DNAH14: variants seen among roughly 807,000 people sequenced by gnomAD.
DNAH14 encodes dynein axonemal heavy chain 14, also known as axonemal beta dynein heavy chain 14.
A neutral mutation model predicts 520.9 loss-of-function variants in DNAH14; 478 were observed. The ratio of observed to expected loss-of-function variants is 0.92; its 90% CI spans 0.85 to 0.99. DNAH14 has a LOEUF of 0.99. Ranked by LOEUF, DNAH14 falls within the 50% of genes least tolerant of loss-of-function variation. The pLI is 0.00. For missense variants in DNAH14, 4,831 were observed against 5,234.5 expected (o/e 0.92, Z 2.38); for synonymous variants, 1,581 against 1,757.2 (o/e 0.90, Z 2.51).
At chr1:225,021,031 G>C (rs1362219819) in intron 10 of DNAH14, among the ~76,000 whole-genome samples, 1 of 152,162 alleles carries the variant, frequency 6.6e-6, no homozygotes, top group Non-Finnish European at 1.5e-5. Context: ...TATGTAATCA[G>C]AATTAAAAAC....
intron 40 of DNAH14, 61 bp downstream of exon 40, chr1:225,206,240 T>A: frequency 7.3e-7 from 1 of 1,367,976 alleles, no homozygotes. Context: ...TAGTAACTAT[T>A]TATTATTTAC....
Position 224,967,595 on chromosome 1 carries a change from T to C in DNAH14, c.651+12T>C. ...CATTTATCTCAAAGGTAATGTTTAA[T>C]GGATGTTTTAAGCTTTCAGAATTAT... On this transcript the variant is annotated intron_variant, in intron 6 of 85. Coordinates refer to ENST00000682510, the MANE Select transcript of DNAH14 (RefSeq NM_001367479.1). 5 of 1,599,430 alleles carry C rather than the reference T, an allele frequency of 3.1e-6. No individual in the cohort carries two copies. The highest frequency in any genetic ancestry group is 4.3e-6 in the Non-Finnish European group (5 of 1,175,656).
intron 75 of DNAH14, among the ~76,000 whole-genome samples, chr1:225,364,204 C>A (rs561254773): frequency 6.6e-6 from 1 of 152,262 alleles, no homozygotes; most frequent in Non-Finnish European, 1.5e-5. Context: ...GTGGTTTCTG[C>A]CACTTGTGGG....
chr1:224,940,359 C>A (rs2059329951), intron 1 of DNAH14, among the ~76,000 whole-genome samples: 1 of 152,104 alleles, frequency 6.6e-6, no homozygotes. Context: ...GAGAAATAGA[C>A]CCCACTTTTT....
intron 75 of DNAH14, among the ~76,000 whole-genome samples, chr1:225,364,210 G>T (rs1190801518): frequency 6.6e-6 from 1 of 152,160 alleles, no homozygotes; most frequent in Non-Finnish European, 1.5e-5. Flanking sequence ...TCTGCCACTT[G>T]TGGGAACTTT....
intron 54 of DNAH14, among the ~76,000 whole-genome samples, chr1:225,286,927 A>G (rs566592907): frequency 1.9e-4 from 29 of 152,332 alleles, no homozygotes; most frequent in Middle Eastern, 3.4e-3. Flanking sequence ...CAAGCCACAA[A>G]AAGACATGGG....
chr1:225,257,887 C>CAAAA (rs35313445), intron 44 of DNAH14, 73 bp from the exon 45 acceptor site: 29 of 957,866 alleles, frequency 3.0e-5, no homozygotes, highest in East Asian at 1.9e-4. Flanking sequence ...ATCCTAATGA[C>CAAAA]AAAAAAAAAA....
intron 8 of DNAH14, among the ~76,000 whole-genome samples, chr1:224,984,255 T>C (rs79441256): frequency 0.043 from 6,549 of 152,246 alleles, 413 homozygotes; most frequent in African/African-American, 0.14. Flanking sequence ...TACAGTCAAC[T>C]GATCTTTGAC....
At chr1:224,947,498 T>C (rs2059922241) in intron 1 of DNAH14, among the ~76,000 whole-genome samples, 1 of 152,190 alleles carries the variant, frequency 6.6e-6, no homozygotes, top group African/African-American at 2.4e-5. Flanking sequence ...GTCTTTGTTT[T>C]TTCTACTCAG....
At chr1:224,986,636 A>G (rs1572260505) in intron 8 of DNAH14, among the ~76,000 whole-genome samples, 1 of 152,198 alleles carries the variant, frequency 6.6e-6, no homozygotes, top group Admixed American at 6.5e-5. Context: ...TCCTTTCATG[A>G]CAAAAATTCC....
chr1:225,257,780 C>T (rs2092791898), intron 44 of DNAH14, among the ~76,000 whole-genome samples, 180 bp from the exon 45 acceptor site: 1 of 151,908 alleles, frequency 6.6e-6, no homozygotes, highest in African/African-American at 2.4e-5. Context: ...CCTGATCTGC[C>T]AGCCTTGGCC....
chr1:225,102,118 C>T (rs1271116566), intron 23 of DNAH14, among the ~76,000 whole-genome samples: 1 of 148,484 alleles, frequency 6.7e-6, no homozygotes, highest in Non-Finnish European at 1.5e-5. Flanking sequence ...TCAATTCCCA[C>T]CTATGAGTGA....
rs2064277172 is a variant in DNAH14 at position 225,007,559 on chromosome 1, A to G, written c.1107+15A>G. On this transcript the variant is annotated intron_variant, in intron 10 of 85. Coordinates refer to ENST00000682510, the MANE Select transcript of DNAH14 (RefSeq NM_001367479.1). ...CTTTTCTAAAGGTAATTCTTTAATT[A>G]TATCATATTTATCAAAGTTGCAATT... The G allele has an allele frequency of 6.7e-7, 1 of 1,494,690 alleles. No homozygotes were observed. The highest frequency in any genetic ancestry group is 9.0e-7 in the Non-Finnish European group (1 of 1,117,282). 92.6% of individuals were successfully genotyped at this position (1,494,690 alleles called of 1,614,324 possible).
chr1:224,970,644 C>G (rs55668169), intron 7 of DNAH14, among the ~76,000 whole-genome samples: 8,367 of 152,114 alleles, frequency 0.055, 472 homozygotes, highest in East Asian at 0.24. Flanking sequence ...CTGGCCGACA[C>G]TTAGGGAATA....
intron 55 of DNAH14, among the ~76,000 whole-genome samples, chr1:225,292,496 C>A (rs1055085907): frequency 1.3e-5 from 2 of 152,090 alleles, no homozygotes; most frequent in Non-Finnish European, 2.9e-5. Flanking sequence ...GTTTTGGTTA[C>A]TATAGCTTTG....
chr1:225,146,978 G>C, intron 30 of DNAH14, 126 bp from the exon 31 acceptor site: 1 of 671,676 alleles, frequency 1.5e-6, no homozygotes, highest in Non-Finnish European at 2.4e-6. Context: ...TGCCTAGGAG[G>C]GGGAAATGCA....
intron 8 of DNAH14, among the ~76,000 whole-genome samples, chr1:224,992,711 A>G (rs2063140569): frequency 6.6e-6 from 1 of 152,008 alleles, no homozygotes; most frequent in Non-Finnish European, 1.5e-5. Context: ...CTTTTCCTTA[A>G]CTGCTCAGAC....
chr1:225,282,577 A>G (rs1047269520), intron 54 of DNAH14, among the ~76,000 whole-genome samples: 4 of 152,232 alleles, frequency 2.6e-5, no homozygotes, highest in Non-Finnish European at 5.9e-5. Flanking sequence ...ATGGTAATCA[A>G]TACAGGGTGC....
At chr1:225,266,803 GTATTATTTCTCACAC>G in intron 49 of DNAH14, 34 bp downstream of exon 49, 1 of 1,445,316 alleles carries the variant, frequency 6.9e-7, no homozygotes, top group Non-Finnish European at 9.1e-7. Flanking sequence ...TTCACATTAA[GTATTATTTCTCACAC>G]TAAATTAAAT....
Sources: gnomAD v4.1 joint callset for allele counts (sites outside exome capture counted in the v4.1 genomes callset) on GRCh38, gnomAD v4.1.1 for gene constraint, MANE v1.5 for transcripts, NCBI Gene and HGNC (gene_info 2026-07-23, HGNC 2026-07-21) for gene names.